ADAM12: variants seen among roughly 807,000 people sequenced by gnomAD.
ADAM12 encodes the protein disintegrin and metalloproteinase domain-containing protein 12.
ADAM12 carries 70 observed loss-of-function variants against 106.4 expected under a neutral mutation model. The ratio of observed to expected loss-of-function variants is 0.66; its 90% CI spans 0.54 to 0.80. The LOEUF (loss-of-function observed/expected upper bound fraction) is 0.80, where lower values mean the gene tolerates loss of function less well. Among genes scored for constraint, ADAM12 ranks in the 30% least tolerant of loss-of-function variants. ADAM12 has a pLI of 0.00. For missense variants in ADAM12, 1,010 were observed against 1,171.9 expected, an observed-to-expected ratio of 0.86 and a Z score of 2.02; for synonymous variants, 420 against 433.5, an observed-to-expected ratio of 0.97 and a Z score of 0.39.
At chr10:126,041,904 T>C (rs1210830950) in intron 18 of ADAM12, 3 of 1,406,928 alleles carry the variant, frequency 2.1e-6, no homozygotes, top group African/African-American at 2.9e-5. Context: ...CATGTCCATG[T>C]TTTAGCAGAA....
intron 3 of ADAM12, among the ~76,000 whole-genome samples, chr10:126,242,266 C>T (rs1395838968): frequency 1.3e-5 from 2 of 152,176 alleles, no homozygotes; most frequent in African/African-American, 4.8e-5. Flanking sequence ...GTTGTAAAAA[C>T]ATACTTTAAA....
At chr10:126,081,029 C>T (rs985462) in intron 11 of ADAM12, among the ~76,000 whole-genome samples, 61,631 of 151,968 alleles carry the variant, frequency 0.41, 13,233 homozygotes, top group Admixed American at 0.53. Context: ...GGGTATGATT[C>T]GGAGACAACT....
intron 2 of ADAM12, among the ~76,000 whole-genome samples, chr10:126,323,680 A>T (rs1235763609): frequency 6.6e-6 from 1 of 152,180 alleles, no homozygotes; most frequent in Admixed American, 6.5e-5. Context: ...TGGGAGAAGC[A>T]GGGATAAAAA....
chr10:126,363,810 C>A (rs12265721), intron 1 of ADAM12, among the ~76,000 whole-genome samples: 14,329 of 152,084 alleles, frequency 0.094, 743 homozygotes, highest in East Asian at 0.18. Flanking sequence ...GACACATGAG[C>A]GAAAGATGGG....
At chr10:126,195,241 T>C (rs11244878) in intron 3 of ADAM12, among the ~76,000 whole-genome samples, 34,835 of 151,990 alleles carry the variant, frequency 0.23, 4,343 homozygotes, top group African/African-American at 0.33. Context: ...AGAATAGATT[T>C]TAAGTGTTCT....
chr10:126,079,726 A>T (rs1192388760), intron 11 of ADAM12, among the ~76,000 whole-genome samples: 1 of 152,220 alleles, frequency 6.6e-6, no homozygotes, highest in Non-Finnish European at 1.5e-5. Flanking sequence ...TATCCTAAAA[A>T]ATAATTCTGT....
chr10:126,030,969 C>T (rs767529447), intron 21 of ADAM12, among the ~76,000 whole-genome samples: 8 of 152,110 alleles, frequency 5.3e-5, no homozygotes, highest in East Asian at 1.9e-4. Flanking sequence ...CTATTATGTT[C>T]GAGGGGCTGG....
intron 3 of ADAM12, among the ~76,000 whole-genome samples, chr10:126,226,263 C>T (rs1303315607): frequency 6.6e-6 from 1 of 152,118 alleles, no homozygotes; most frequent in Non-Finnish European, 1.5e-5. Context: ...GAGCAAATCT[C>T]TCCAGGACAG....
At chr10:126,026,918 A>C (rs1003111176) in intron 21 of ADAM12, among the ~76,000 whole-genome samples, 1 of 152,206 alleles carries the variant, frequency 6.6e-6, no homozygotes, top group Admixed American at 6.5e-5. Context: ...AATAACCAAG[A>C]TCAGAGTGGA....
In ADAM12 at chr10:126,166,779, G is replaced by A. The variant is rs116351189; in HGVS notation, c.261-11474C>T. ...CCCAAAGGCATGAGCCATCATGCCC[G>A]GCCTCAGGCTGTTTTTAATGTGTCA... is the stretch of plus-strand genomic sequence containing the variant. On this transcript the variant is annotated intron_variant, in intron 3 of 22. Transcript: ENST00000448723. Among the ~76,000 whole-genome samples, 721 of 152,202 alleles carry A rather than the reference G, an allele frequency of 4.7e-3. 5 individuals are homozygous for A. Among genetic ancestry groups the A allele is most frequent in the African/African-American group, 0.017 (686 of 41,536 alleles).
At chr10:126,249,838 T>C (rs1050260423) in intron 3 of ADAM12, among the ~76,000 whole-genome samples, 1 of 152,236 alleles carries the variant, frequency 6.6e-6, no homozygotes, top group African/African-American at 2.4e-5. Flanking sequence ...CTTTGTTACA[T>C]GCATAAGACA....
chr10:126,324,503 G>C (rs759465048), intron 2 of ADAM12, among the ~76,000 whole-genome samples: 5 of 152,200 alleles, frequency 3.3e-5, no homozygotes, highest in Non-Finnish European at 7.3e-5. Flanking sequence ...TGTCATCCGG[G>C]ACTTCCGAAG....
At chr10:126,305,697 T>C (rs944997158) in intron 2 of ADAM12, among the ~76,000 whole-genome samples, 1 of 152,096 alleles carries the variant, frequency 6.6e-6, no homozygotes, top group Non-Finnish European at 1.5e-5. Context: ...CTCTTTTTAA[T>C]TCTACAAATT....
At chr10:126,387,948 C>T in intron 1 of ADAM12, 110 bp downstream of exon 1, 1 of 1,153,568 alleles carries the variant, frequency 8.7e-7, no homozygotes, top group Non-Finnish European at 1.1e-6. Context: ...TCCGGAGATG[C>T]GCCGGGGCGC....
chr10:126,361,197 A>G (rs549352380), intron 1 of ADAM12, among the ~76,000 whole-genome samples: 5 of 152,362 alleles, frequency 3.3e-5, no homozygotes, highest in African/African-American at 9.6e-5. Context: ...AAATAGCTAT[A>G]AAAATTAAAC....
intron 2 of ADAM12, among the ~76,000 whole-genome samples, chr10:126,325,248 G>T: frequency 6.6e-6 from 1 of 152,226 alleles, no homozygotes; most frequent in East Asian, 1.9e-4. Context: ...AAAGGTGTGT[G>T]CTGGCTTTGG....
At chr10:126,081,256 G>A (rs1955209141) in intron 11 of ADAM12, among the ~76,000 whole-genome samples, 1 of 152,136 alleles carries the variant, frequency 6.6e-6, no homozygotes, top group African/African-American at 2.4e-5. Flanking sequence ...GAAGAAGGAT[G>A]GAACAGCCAG....
At chr10:126,187,396 A>G (rs891149273) in intron 3 of ADAM12, among the ~76,000 whole-genome samples, 15 of 152,160 alleles carry the variant, frequency 9.9e-5, no homozygotes, top group Non-Finnish European at 2.2e-4. Context: ...GCATTTCAGT[A>G]AATGATTTCA....
At chr10:126,068,735 A>G (rs1349160258) in intron 12 of ADAM12, among the ~76,000 whole-genome samples, 1 of 152,234 alleles carries the variant, frequency 6.6e-6, no homozygotes, top group Non-Finnish European at 1.5e-5. Flanking sequence ...ATCTGCTGCT[A>G]CATTGATTAT....
Sources: allele counts gnomAD v4.1 joint callset (sites outside exome capture counted in the v4.1 genomes callset), GRCh38; gene constraint gnomAD v4.1.1; transcripts MANE v1.5; gene names NCBI Gene and HGNC (gene_info 2026-07-23, HGNC 2026-07-21).